Variants in C6orf118 observed in about 807,000 individuals in gnomAD.
C6orf118 encodes the protein uncharacterized protein C6orf118.
In C6orf118, 50 loss-of-function variants were observed where a neutral mutation model predicts 50.2. The ratio of observed to expected loss-of-function variants is 1.00; its 90% CI spans 0.79 to 1.26. The LOEUF is 1.26. C6orf118 is among the 50% of genes most tolerant of loss of function. C6orf118 has a pLI of 0.00. For synonymous variants in C6orf118, 239 were observed against 230.9 expected (o/e 1.03, Z -0.32); for missense variants, 641 against 578.7 (o/e 1.11, Z -1.10).
At chr6:165,301,485 C>A in intron 2 of C6orf118, 84 bp downstream of exon 2, 2 of 1,515,802 alleles carry the variant, frequency 1.3e-6, no homozygotes, top group Admixed American at 4.1e-5. Flanking sequence ...AGGTTTGCCC[C>A]AGAGCTGTGC....
chr6:165,281,903 G>A (rs1282806210), intron 7 of C6orf118: 3 of 314,160 alleles, frequency 9.5e-6, no homozygotes, highest in African/African-American at 4.3e-5. Context: ...AAAACTAGGA[G>A]AGGAGGAAAT....
chr6:165,303,268 G>A (rs1203189071), intron 1 of C6orf118, among the ~76,000 whole-genome samples: 1 of 152,164 alleles, frequency 6.6e-6, no homozygotes, highest in African/African-American at 2.4e-5. Context: ...TAGTCCTTCA[G>A]AGCAACCACT....
chr6:165,283,382 A>T (rs1278737361), intron 7 of C6orf118, among the ~76,000 whole-genome samples: 1 of 152,194 alleles, frequency 6.6e-6, no homozygotes, highest in Non-Finnish European at 1.5e-5. Flanking sequence ...CTTGGGTCCC[A>T]AGCAGGGGTT....
At chr6:165,303,241 G>C (rs908029692) in intron 1 of C6orf118, among the ~76,000 whole-genome samples, 1 of 152,172 alleles carries the variant, frequency 6.6e-6, no homozygotes, top group South Asian at 2.1e-4. Flanking sequence ...CTAGAGAATC[G>C]CCGCTGTTGA....
chr6:165,289,476 G>A (rs1780031216), intron 7 of C6orf118, among the ~76,000 whole-genome samples: 1 of 152,122 alleles, frequency 6.6e-6, no homozygotes, highest in Non-Finnish European at 1.5e-5. Context: ...TATGAGTGCA[G>A]TTGTATTACA....
At chr6:165,291,638 C>CA (rs1413304079) in intron 6 of C6orf118, among the ~76,000 whole-genome samples, 2 of 151,612 alleles carry the variant, frequency 1.3e-5, no homozygotes, top group South Asian at 4.1e-4. Context: ...AGATCTCAAG[C>CA]AAAAAAGAAG....
chr6:165,283,629 C>A (rs910853786), intron 7 of C6orf118, among the ~76,000 whole-genome samples: 16 of 152,200 alleles, frequency 1.1e-4, no homozygotes, highest in African/African-American at 3.9e-4. Context: ...CGGCAGCAAT[C>A]TTTGCTGTTC....
At chr6:165,307,344 C>T (rs1233836553) in intron 1 of C6orf118, among the ~76,000 whole-genome samples, 2 of 151,696 alleles carry the variant, frequency 1.3e-5, no homozygotes, top group South Asian at 2.1e-4. Context: ...GGATCACTTG[C>T]AATCAGGAGT....
At chr6:165,300,247 T>C (rs1158744127) in intron 3 of C6orf118, 117 bp downstream of exon 3, 3 of 1,228,860 alleles carry the variant, frequency 2.4e-6, no homozygotes, top group Admixed American at 4.1e-5. Flanking sequence ...ATGGTCCCTG[T>C]CTGTAGAAGG....
chr6:165,287,290 A>T (rs1444332923), intron 7 of C6orf118, among the ~76,000 whole-genome samples: 1 of 152,206 alleles, frequency 6.6e-6, no homozygotes, highest in Non-Finnish European at 1.5e-5. Context: ...GGACACAAAT[A>T]AATGGAAAAA....
Position 165,302,274 on chromosome 6 carries a change from G to T in C6orf118, c.48C>A (p.Cys16Ter). ...EPELYLKWKH[C>*]ETPGVKTLCN... Reference sequence around the variant, plus strand: ...ACAGGGTCTTCACGCCTGGCGTCTCGCAGTGCTTCCACTTCAGGTACACTG... The same window carrying T: ...ACAGGGTCTTCACGCCTGGCGTCTCTCAGTGCTTCCACTTCAGGTACACTG... The change falls in exon 2 of 9, where the codon TGC (cysteine) becomes TGA (stop). Residue 16 changes from cysteine to a stop codon, truncating the protein, a stop_gained. Coordinates refer to ENST00000230301, the MANE Select transcript of C6orf118 (RefSeq NM_144980.4). LOFTEE classifies it high-confidence loss of function. The T allele has an allele frequency of 1.9e-6, 3 of 1,613,390 alleles. No homozygotes were observed. Among genetic ancestry groups the T allele is most frequent in the Non-Finnish European group, 2.5e-6 (3 of 1,179,956 alleles).
rs540751 is a variant in C6orf118, at chr6:165,299,477, G to A, written c.902C>T (p.Thr301Met). ...VKDEYELYMA[T>M]LLESQPAAQY... ...TGCTGCAGGCTGGGACTCCAGGAGC[G>A]TTGCCATGTAGAGTTCATATTCATC... The change falls in exon 4 of 9, where the codon ACG becomes ATG. Residue 301 changes from threonine to methionine, a missense_variant. Coordinates refer to ENST00000230301, the MANE Select transcript of C6orf118 (RefSeq NM_144980.4). 1.4e-3 allele frequency: 2,189 copies of A among 1,613,992 alleles called. 34 individuals carry two copies. The African/African-American group carries it at 0.027, about 20-fold the overall frequency.
chr6:165,294,099 AGCTGGGTGTGG>A lies in C6orf118; in HGVS notation c.1062-639_1062-629del, dbSNP rs755133346. ...ATCTCCACTGAAAATACAAAAAATTAGCTGGGTGTGGTGGTGGGTGCCTGTAGTCCCAGCTA... is the reference window on the plus strand; with the variant it reads ...ATCTCCACTGAAAATACAAAAAATTATGGTGGGTGCCTGTAGTCCCAGCTA... On this transcript the variant is annotated intron_variant, in intron 5 of 8. Transcript: ENST00000230301. Among the ~76,000 whole-genome samples, 52 of 152,078 alleles carry A rather than the reference AGCTGGGTGTGG, an allele frequency of 3.4e-4. No homozygotes were observed. The East Asian group carries it at 8.5e-3, about 25-fold the overall frequency.
chr6:165,299,582 G>C (rs1225373811), intron 3 of C6orf118, 80 bp from the exon 4 acceptor site: 3 of 1,078,930 alleles, frequency 2.8e-6, no homozygotes, highest in African/African-American at 1.6e-5. Context: ...TAAATAATAC[G>C]GAAGTCAAGA....
intron 1 of C6orf118, among the ~76,000 whole-genome samples, chr6:165,308,694 G>A (rs1001245652): frequency 1.3e-5 from 2 of 152,102 alleles, no homozygotes; most frequent in African/African-American, 2.4e-5. Flanking sequence ...TGTGCGGCAT[G>A]CTGATTCAAT....
At chr6:165,294,259 A>AAAC (rs1780212017) in intron 5 of C6orf118, among the ~76,000 whole-genome samples, 2 of 149,540 alleles carry the variant, frequency 1.3e-5, no homozygotes, top group Admixed American at 1.3e-4. Context: ...AAAAGCAAAA[A>AAAC]AAAAAAAACA....
At chr6:165,297,506 T>C (rs999187199) in intron 5 of C6orf118, among the ~76,000 whole-genome samples, 2 of 152,204 alleles carry the variant, frequency 1.3e-5, no homozygotes, top group African/African-American at 4.8e-5. Context: ...TTTTGTTTCT[T>C]GTTTCATGCT....
At chr6:165,307,123 A>C (rs1394555991) in intron 1 of C6orf118, among the ~76,000 whole-genome samples, 1 of 152,216 alleles carries the variant, frequency 6.6e-6, no homozygotes, top group Non-Finnish European at 1.5e-5. Flanking sequence ...CATTTGGGTT[A>C]ATACATATTG....
intron 5 of C6orf118, among the ~76,000 whole-genome samples, chr6:165,296,740 G>C (rs921005680): frequency 1.3e-5 from 2 of 152,152 alleles, no homozygotes; most frequent in African/African-American, 4.8e-5. Context: ...CCACCCCTGA[G>C]AGGTACGCTG....
Sources: allele counts gnomAD v4.1 joint callset (sites outside exome capture counted in the v4.1 genomes callset), GRCh38; gene constraint gnomAD v4.1.1; transcripts MANE v1.5; gene names NCBI Gene and HGNC (gene_info 2026-07-23, HGNC 2026-07-21).